Variants in TRIM50 observed in about 807,000 individuals in gnomAD.
TRIM50 encodes tripartite motif containing 50.
Under a neutral mutation model 44.9 loss-of-function variants are expected in TRIM50, and 34 were observed. The ratio of observed to expected loss-of-function variants is 0.76; its 90% CI spans 0.58 to 1.01. TRIM50 has a LOEUF of 1.01. TRIM50 is among the 50% of genes least tolerant of loss of function. The probability of loss-of-function intolerance (pLI) is 0.00; values close to 1 mark genes in which losing one functional copy is unlikely to be tolerated. For synonymous variants in TRIM50, 307 were observed against 291.1 expected (o/e 1.05, Z -0.56); for missense variants, 633 against 663.7 (o/e 0.95, Z 0.51).
In TRIM50 at chr7:73,313,611, T is replaced by A; in HGVS notation, c.875-101A>T. The A allele has an allele frequency of 2.0e-6, 2 of 999,532 alleles. No homozygotes were observed. Among genetic ancestry groups the A allele is most frequent in the Non-Finnish European group, 2.8e-6 (2 of 701,768 alleles). The allele number at this position is 999,532 out of a possible 1,614,324, so 61.9% of individuals were successfully genotyped here. On this transcript the variant is annotated intron_variant, in intron 6 of 6. Transcript: ENST00000333149. This position sits in a 1 kb window ranked among gnomAD's most constrained non-coding sequence, Gnocchi z 4.9. ...CCCTGAACTCCCCAAGGAGAGGGGC[T>A]GTGTCTTCCTCATCTCTCTAGCCCC... is the stretch of plus-strand genomic sequence containing the variant.
At chr7:73,314,514 G>C (rs1296797545) in intron 6 of TRIM50, 4 of 370,798 alleles carry the variant, frequency 1.1e-5, no homozygotes, top group East Asian at 8.3e-5. Flanking sequence ...CCTGTCCTTG[G>C]AGCAGGAATT....
rs1452818947 is a variant in TRIM50, at chr7:73,319,015, TCG to T, written c.531_532del (p.Glu178ValfsTer10). On this transcript the variant is annotated frameshift_variant, in exon 4 of 7. Transcript: ENST00000333149. LOFTEE classifies it high-confidence loss of function. ...CACCAGGTGGTGCAGCTCCTGGAAC[TCG>T]CGGCGGATCACCCAGCTGAAGACAT... is the stretch of plus-strand genomic sequence containing the variant. 1 of 1,613,856 alleles carries T rather than the reference TCG, an allele frequency of 6.2e-7. No homozygotes were observed. Among genetic ancestry groups the T allele is most frequent in the Admixed American group, 1.7e-5 (1 of 59,990 alleles).
rs61743391 is a variant in TRIM50 at position 73,324,625 on chromosome 7, C to A, written c.163G>T (p.Val55Leu). The change falls in exon 2 of 7, where the codon GTG becomes TTG. Residue 55 changes from valine (V) to leucine (L), a missense_variant. Val to Leu is a conservative substitution (Grantham distance 32). Transcript: ENST00000333149. ...CHLDAELRCPVCRQAVDGSSS... is the reference protein window; with the variant it reads ...CHLDAELRCPLCRQAVDGSSS... ...CTGCCGTCCACCGCCTGCCGGCACACGGGGCAGCGCAGCTCGGCATCCAGG... is the reference window on the plus strand; with the variant it reads ...CTGCCGTCCACCGCCTGCCGGCACAAGGGGCAGCGCAGCTCGGCATCCAGG... 206 of 1,614,058 alleles carry A rather than the reference C, an allele frequency of 1.3e-4. No homozygotes were observed. The highest frequency in any genetic ancestry group is 1.6e-5 in the Non-Finnish European group (19 of 1,180,036).
intron 4 of TRIM50, 40 bp from the exon 5 acceptor site, chr7:73,318,749 G>C (rs781924141): frequency 6.2e-7 from 1 of 1,613,980 alleles, no homozygotes; most frequent in South Asian, 1.1e-5. Flanking sequence ...CTAGAAGGTG[G>C]GAAGCTAGGG....
rs1391900563 is a variant in TRIM50 at position 73,319,056 on chromosome 7, G to A, written c.496-4C>T. ...AGCTGAAGACATCCGACTCATTCTG[G>A]GACAGGGAGGGCTGGTCACTGCAGA... On this transcript the variant is annotated splice_polypyrimidine_tract_variant and splice_region_variant and intron_variant, in intron 3 of 6. Coordinates refer to ENST00000333149, the MANE Select transcript of TRIM50 (RefSeq NM_178125.3). 6.8e-6 allele frequency: 11 copies of A among 1,613,860 alleles called. No homozygotes were observed. In the African/African-American group the frequency reaches 1.5e-4, roughly 22 times the overall value.
rs782611374 is a variant in TRIM50, at chr7:73,324,730, G to T, written c.58C>A (p.Leu20Met). 8 of 1,614,080 alleles carry T rather than the reference G, an allele frequency of 5.0e-6. No homozygotes were observed. The highest frequency in any genetic ancestry group is 6.8e-6 in the Non-Finnish European group (8 of 1,180,050). ...ATCAGGGGCTCCTTGAAGACCTCCA[G>T]GCAGATGGGACACTGAAGCCGGTCC... ...LEDRLQCPIC[L>M]EVFKEPLMLQ... Residue 20 changes from leucine to methionine, a missense_variant, in exon 2 of 7, where the codon CTG (leucine) becomes ATG (methionine). Transcript: ENST00000333149.
chr7:73,316,034 C>T (rs1804350402), intron 6 of TRIM50, among the ~76,000 whole-genome samples: 1 of 151,988 alleles, frequency 6.6e-6, no homozygotes, highest in South Asian at 2.1e-4. Context: ...GCGCACACTA[C>T]CACGCCCAGC....
chr7:73,324,623 C>A lies in TRIM50; in HGVS notation c.165G>T (p.Val55=). The A allele has an allele frequency of 6.2e-7, 1 of 1,614,186 alleles. No homozygotes were observed. The highest frequency in any genetic ancestry group is 8.5e-7 in the Non-Finnish European group (1 of 1,180,038). Residue 55 remains valine, a synonymous_variant, in exon 2 of 7, where the codon GTG becomes GTT. Coordinates refer to ENST00000333149, the MANE Select transcript of TRIM50 (RefSeq NM_178125.3). ...TGCTGCCGTCCACCGCCTGCCGGCA[C>A]ACGGGGCAGCGCAGCTCGGCATCCA... ...CHLDAELRCP[V]CRQAVDGSSS...
chr7:73,321,512 T>C (rs1804494862), intron 2 of TRIM50, among the ~76,000 whole-genome samples: 1 of 152,120 alleles, frequency 6.6e-6, no homozygotes. Context: ...CCATTCCTGG[T>C]GGGCTTGGAC....
At chr7:73,326,900 C>T (rs1159227747) in intron 1 of TRIM50, among the ~76,000 whole-genome samples, 6 of 152,144 alleles carry the variant, frequency 3.9e-5, no homozygotes, top group African/African-American at 1.4e-4. Context: ...AGTGATTCTC[C>T]TGCCTCAGCC....
Position 73,320,233 on chromosome 7 carries a change from C to A in TRIM50, c.409G>T (p.Ala137Ser). The A allele has an allele frequency of 6.2e-7, 1 of 1,613,964 alleles. No homozygotes were observed. The highest frequency in any genetic ancestry group is 8.5e-7 in the Non-Finnish European group (1 of 1,179,858). The stretch of plus-strand genomic sequence containing the variant: ...TGCTTCAGCTCAGAGATGAGGGCTG[C>A]GAGCTCCTCCTGGAGGCAACAGGCC... ...TVYSRMKEEL[A>S]ALISELKQEQ... The change falls in exon 3 of 7, where the codon GCA (alanine) becomes TCA (serine). Residue 137 changes from alanine (A) to serine (S), a missense_variant. By Grantham distance (99) the Ala-to-Ser change is moderately conservative. Transcript: ENST00000333149.
At chr7:73,318,262 G>C (rs1253259094) in intron 5 of TRIM50, among the ~76,000 whole-genome samples, 1 of 152,132 alleles carries the variant, frequency 6.6e-6, no homozygotes, top group Non-Finnish European at 1.5e-5. Flanking sequence ...ATGAGTAGCG[G>C]GGACTATAGG....
At position 73,324,693 on chromosome 7, in the gene TRIM50, C is replaced by A. The variant is rs782048648; in HGVS notation, c.95G>T (p.Gly32Val). Reference sequence around the variant, plus strand: ...CAGGCAGCCCTTGCAGTAAGAGTGGCCACACTGCAGCATCAGGGGCTCCTT... The same window carrying A: ...CAGGCAGCCCTTGCAGTAAGAGTGGACACACTGCAGCATCAGGGGCTCCTT... ...VFKEPLMLQC[G>V]HSYCKGCLVS... Residue 32 changes from glycine (G) to valine (V), a missense_variant, in exon 2 of 7, where the codon GGC becomes GTC. Gly to Val is a moderately radical substitution (Grantham distance 109, BLOSUM62 -3). Coordinates refer to ENST00000333149, the MANE Select transcript of TRIM50 (RefSeq NM_178125.3). 3.1e-6 allele frequency: 5 copies of A among 1,614,072 alleles called. No homozygotes were observed. The highest frequency in any genetic ancestry group is 3.4e-6 in the Non-Finnish European group (4 of 1,180,036).
intron 3 of TRIM50, 89 bp downstream of exon 3, chr7:73,320,058 G>C: frequency 6.2e-7 from 1 of 1,607,378 alleles, no homozygotes; most frequent in Non-Finnish European, 8.5e-7. Context: ...GGAAGGCATG[G>C]TTTTCTGTAA....
chr7:73,316,627 C>A lies in TRIM50; in HGVS notation c.812G>T (p.Gly271Val), dbSNP rs782187401. The stretch of plus-strand genomic sequence containing the variant: ...CAGCTTGATGTCAGCCTGGTGGAGG[C>A]CTGGCTTGAAGGAGATGGGGCTGAA... Reference protein sequence around the residue: ...GAFSPISFKPGLHQADIKLTV... With the variant: ...GAFSPISFKPVLHQADIKLTV... The change falls in exon 6 of 7, where the codon GGC (glycine) becomes GTC (valine). Residue 271 changes from glycine (G) to valine (V), a missense_variant. Physicochemically the swap from Gly to Val is moderately radical, Grantham distance 109 (BLOSUM62 -3). Transcript: ENST00000333149. The A allele has an allele frequency of 3.7e-6, 6 of 1,614,088 alleles. No homozygotes were observed. Among genetic ancestry groups the A allele is most frequent in the Non-Finnish European group, 5.1e-6 (6 of 1,180,026 alleles).
intron 5 of TRIM50, among the ~76,000 whole-genome samples, chr7:73,317,353 CTTTTTTT>C (rs547252453): frequency 1.6e-4 from 19 of 117,988 alleles, no homozygotes; most frequent in Admixed American, 4.4e-4. Flanking sequence ...CATGCCAAGA[CTTTTTTT>C]TTTTTTTTTT....
chr7:73,322,697 C>CT (rs1554545240), intron 2 of TRIM50, among the ~76,000 whole-genome samples: 1 of 152,148 alleles, frequency 6.6e-6, no homozygotes, highest in Admixed American at 6.5e-5. Flanking sequence ...TCCCTTTTTT[C>CT]AGGGCTCTCT....
rs782184068 is a variant in TRIM50, at chr7:73,318,805, C to A, written c.726+17G>T. Reference sequence around the variant, plus strand: ...CCCTGGCGGGTATGGGGATGGGACGCCTCCCTGTCCACTCACCCGGATGAA... The same window carrying A: ...CCCTGGCGGGTATGGGGATGGGACGACTCCCTGTCCACTCACCCGGATGAA... On this transcript the variant is annotated intron_variant, in intron 4 of 6. Transcript: ENST00000333149. 6.2e-7 allele frequency: 1 copy of A among 1,613,906 alleles called. No individual in the cohort carries two copies. The highest frequency in any genetic ancestry group is 8.5e-7 in the Non-Finnish European group (1 of 1,179,854).
At chr7:73,321,359 C>G (rs1225018061) in intron 2 of TRIM50, among the ~76,000 whole-genome samples, 1 of 152,050 alleles carries the variant, frequency 6.6e-6, no homozygotes, top group African/African-American at 2.4e-5. Flanking sequence ...TCTGTGGTCA[C>G]CAGCAGATCC....
Sources: allele counts gnomAD v4.1 joint callset (sites outside exome capture counted in the v4.1 genomes callset), GRCh38; gene constraint gnomAD v4.1.1; non-coding constraint Gnocchi (gnomAD v3.1); transcripts MANE v1.5; gene names NCBI Gene and HGNC (gene_info 2026-07-23, HGNC 2026-07-21).